The following AKAP13 variants were observed in gnomAD, a reference collection of about 807,000 sequenced individuals.
AKAP13 encodes the protein A-kinase anchor protein 13.
AKAP13 carries 80 observed loss-of-function variants against 264.5 expected under a neutral mutation model. The observed-to-expected ratio is 0.30, with a 90% CI of 0.25 to 0.36. The LOEUF is 0.36. Ranked by LOEUF, AKAP13 falls within the 10% of genes least tolerant of loss-of-function variation. The probability of loss-of-function intolerance (pLI) is 1.00; values close to 1 mark genes in which losing one functional copy is unlikely to be tolerated. For missense variants in AKAP13, 3,712 were observed against 3,435.2 expected (o/e 1.08, Z -2.01); for synonymous variants, 1,380 against 1,250.2 (o/e 1.10, Z -2.19).
At chr15:85,541,479 G>C (rs766967873) in intron 4 of AKAP13, among the ~76,000 whole-genome samples, 94 of 152,146 alleles carry the variant, frequency 6.2e-4, no homozygotes, top group Non-Finnish European at 1.0e-3. Flanking sequence ...AACATAAAAA[G>C]GTGCTTTTTA....
chr15:85,397,640 C>A (rs2071183349), intron 1 of AKAP13, among the ~76,000 whole-genome samples: 1 of 152,142 alleles, frequency 6.6e-6, no homozygotes, highest in Admixed American at 6.5e-5. Context: ...CAGGTCTTAT[C>A]TCTGCAAGGA....
chr15:85,481,311 A>G (rs2075345795), intron 1 of AKAP13, among the ~76,000 whole-genome samples: 1 of 152,196 alleles, frequency 6.6e-6, no homozygotes, highest in Non-Finnish European at 1.5e-5. Context: ...TCCACACTGC[A>G]CTTTATGAAG....
intron 2 of AKAP13, among the ~76,000 whole-genome samples, chr15:85,512,887 C>T (rs979737159): frequency 1.3e-5 from 2 of 152,028 alleles, no homozygotes; most frequent in African/African-American, 2.4e-5. Context: ...GGTGGAGTCT[C>T]GCTCTGTAGC....
At chr15:85,535,091 C>T (rs2077349200) in intron 4 of AKAP13, 1 of 152,224 alleles carries the variant, frequency 6.6e-6, no homozygotes, top group African/African-American at 2.4e-5. Context: ...AGAGTCCACC[C>T]AGCCTTGAGT....
intron 34 of AKAP13, 106 bp from the exon 35 acceptor site, chr15:85,740,940 A>G (rs1275219110): frequency 1.3e-6 from 2 of 1,490,832 alleles, no homozygotes; most frequent in Non-Finnish European, 1.8e-6. Context: ...GGAGAGTTCT[A>G]GTCCGTCATA....
intron 8 of AKAP13, 150 bp from the exon 9 acceptor site, chr15:85,639,222 GAA>G (rs999131653): frequency 5.4e-6 from 3 of 555,052 alleles, no homozygotes; most frequent in Admixed American, 6.1e-5. Context: ...GTAATATTGT[GAA>G]AAAAAAATTT....
intron 1 of AKAP13, among the ~76,000 whole-genome samples, chr15:85,461,360 C>T (rs2074504845): frequency 6.6e-6 from 1 of 152,308 alleles, no homozygotes; most frequent in African/African-American, 2.4e-5. Context: ...AGGTGATCTG[C>T]CCGCCTCGGC....
At chr15:85,651,565 A>G (rs906240462) in intron 10 of AKAP13, 1 of 152,248 alleles carries the variant, frequency 6.6e-6, no homozygotes, top group African/African-American at 2.4e-5. Flanking sequence ...ATCCTTGCAC[A>G]GAGGCCATGC....
At chr15:85,451,091 C>T (rs2074073050) in intron 1 of AKAP13, among the ~76,000 whole-genome samples, 1 of 152,130 alleles carries the variant, frequency 6.6e-6, no homozygotes. Context: ...TGAATTGAAC[C>T]CTTTACCATT....
chr15:85,554,084 A>G (rs1233607263), intron 5 of AKAP13, among the ~76,000 whole-genome samples: 1 of 152,138 alleles, frequency 6.6e-6, no homozygotes, highest in African/African-American at 2.4e-5. Context: ...TATTTCTTGT[A>G]TTGGTGGTGC....
chr15:85,658,644 A>G (rs1300611977), intron 12 of AKAP13, 54 bp downstream of exon 12: 2 of 1,485,596 alleles, frequency 1.3e-6, no homozygotes, highest in African/African-American at 2.8e-5. Context: ...AGCATATACT[A>G]ACAAGCATCT....
chr15:85,407,930 C>T (rs574370280), intron 1 of AKAP13, among the ~76,000 whole-genome samples: 6 of 151,606 alleles, frequency 4.0e-5, no homozygotes, highest in East Asian at 1.9e-4. Context: ...ATTGTGAGGG[C>T]TTGAATGCAG....
intron 1 of AKAP13, among the ~76,000 whole-genome samples, chr15:85,478,144 T>C (rs6497202): frequency 0.51 from 77,150 of 152,034 alleles, 20,122 homozygotes; most frequent in Middle Eastern, 0.61. Context: ...TACATACATA[T>C]GACCCTTTAC....
chr15:85,606,116 T>TTTG (rs1397739820), intron 8 of AKAP13, among the ~76,000 whole-genome samples: 1 of 141,664 alleles, frequency 7.1e-6, no homozygotes, highest in African/African-American at 2.8e-5. Flanking sequence ...TTTTTTTTTT[T>TTTG]GTTGAGATGT....
intron 3 of AKAP13, among the ~76,000 whole-genome samples, chr15:85,529,656 T>C (rs763444854): frequency 6.6e-6 from 1 of 152,198 alleles, no homozygotes; most frequent in African/African-American, 2.4e-5. Context: ...AAAATAATCT[T>C]GAGAGCCACT....
At chr15:85,560,040 A>T (rs2078303588) in intron 5 of AKAP13, among the ~76,000 whole-genome samples, 1 of 142,072 alleles carries the variant, frequency 7.0e-6, no homozygotes, top group South Asian at 2.3e-4. Context: ...ATATAACTGC[A>T]TTGGAGCCTA....
chr15:85,740,760 C>T (rs1421207464), intron 34 of AKAP13, among the ~76,000 whole-genome samples: 1 of 130,624 alleles, frequency 7.7e-6, no homozygotes, highest in Admixed American at 7.5e-5. Context: ...CACACAGACA[C>T]ACACACACAC....
At chr15:85,705,043 T>G (rs2151680119) in intron 17 of AKAP13, among the ~76,000 whole-genome samples, 2 of 152,320 alleles carry the variant, frequency 1.3e-5, no homozygotes, top group Middle Eastern at 6.8e-3. Flanking sequence ...GACCATAATA[T>G]AGAGCGTGTT....
chr15:85,708,392 C>T lies in AKAP13; in HGVS notation c.5532+306C>T, dbSNP rs570763020. Among the ~76,000 whole-genome samples, 3 of 152,220 alleles carry T rather than the reference C, an allele frequency of 2.0e-5. No individual in the cohort carries two copies. Among genetic ancestry groups the T allele is most frequent in the Admixed American group, 6.5e-5 (1 of 15,296 alleles). On this transcript the variant is annotated intron_variant, in intron 18 of 36. Coordinates refer to ENST00000394518, the MANE Select transcript of AKAP13 (RefSeq NM_007200.5). The surrounding 1 kb of genome is among the most constrained non-coding windows in gnomAD (Gnocchi z 4.3). The stretch of plus-strand genomic sequence containing the variant: ...CTTAAAGTGGTTTTCTTCTTAACTA[C>T]GTCTGCAGGCCTACCCTGCTGTTCA...
Sources: gnomAD v4.1 joint callset for allele counts (sites outside exome capture counted in the v4.1 genomes callset) on GRCh38, gnomAD v4.1.1 for gene constraint, Gnocchi (gnomAD v3.1) non-coding constraint, MANE v1.5 for transcripts, NCBI Gene and HGNC (gene_info 2026-07-23, HGNC 2026-07-21) for gene names.